EEFSEC: variants seen among roughly 807,000 people sequenced by gnomAD.
EEFSEC encodes the protein eukaryotic elongation factor, selenocysteine-tRNA specific, also known as selenocysteine-specific elongation factor.
In EEFSEC, 43 loss-of-function variants were observed where a neutral mutation model predicts 42.1. The observed-to-expected ratio is 1.02, with a 90% CI of 0.80 to 1.32. The LOEUF is 1.32. EEFSEC is among the 40% of genes most tolerant of loss of function. The pLI is 0.00. For missense variants in EEFSEC, 745 were observed against 803.6 expected, an observed-to-expected ratio of 0.93 and a Z score of 0.88; for synonymous variants, 354 against 339.1, an observed-to-expected ratio of 1.04 and a Z score of -0.48.
chr3:128,273,361 G>T (rs1414480085), intron 4 of EEFSEC, among the ~76,000 whole-genome samples: 2 of 149,444 alleles, frequency 1.3e-5, no homozygotes, highest in African/African-American at 5.1e-5. Context: ...CTCACAGGAG[G>T]CAGGGAACTC....
At chr3:128,175,517 A>G (rs577411076) in intron 1 of EEFSEC, among the ~76,000 whole-genome samples, 1 of 152,266 alleles carries the variant, frequency 6.6e-6, no homozygotes, top group South Asian at 2.1e-4. Context: ...CTTCTCGGTA[A>G]AACTGGCCTG....
intron 1 of EEFSEC, among the ~76,000 whole-genome samples, chr3:128,236,776 A>G (rs950208381): frequency 5.3e-5 from 8 of 152,170 alleles, no homozygotes; most frequent in African/African-American, 9.7e-5. Flanking sequence ...CTCCTTCTCA[A>G]TGAGGCCTCT....
chr3:128,192,583 T>C (rs1483278554), intron 1 of EEFSEC, among the ~76,000 whole-genome samples: 2 of 152,230 alleles, frequency 1.3e-5, no homozygotes, highest in East Asian at 3.8e-4. Flanking sequence ...GCTTACACTC[T>C]TCTGCCAATT....
chr3:128,339,202 C>T (rs955839020), intron 4 of EEFSEC, among the ~76,000 whole-genome samples: 17 of 152,188 alleles, frequency 1.1e-4, no homozygotes, highest in African/African-American at 3.6e-4. Context: ...GTGCGTCTCA[C>T]TTTCTCTGCC....
chr3:128,424,008 C>T, the EEFSEC span, among the ~76,000 whole-genome samples: 1 of 152,168 alleles, frequency 6.6e-6, no homozygotes, highest in East Asian at 1.9e-4. Context: ...CCTGGAGCTG[C>T]GGGAGACACA....
chr3:128,376,947 C>T (rs1026453216), intron 6 of EEFSEC, among the ~76,000 whole-genome samples: 143 of 152,284 alleles, frequency 9.4e-4, no homozygotes, highest in African/African-American at 3.2e-3. Context: ...ATGGCTTCTT[C>T]GTGCCCAGCA....
chr3:128,343,464 C>G (rs1449532481), intron 5 of EEFSEC, among the ~76,000 whole-genome samples: 1 of 152,284 alleles, frequency 6.6e-6, no homozygotes, highest in Non-Finnish European at 1.5e-5. Context: ...TCCGGGGGGG[C>G]CGCTGGGGCC....
intron 5 of EEFSEC, among the ~76,000 whole-genome samples, chr3:128,345,122 T>C (rs1576657048): frequency 6.6e-6 from 1 of 152,186 alleles, no homozygotes; most frequent in African/African-American, 2.4e-5. Context: ...ACCATGAGAC[T>C]TCCATGTTAA....
rs142217182 is a variant in EEFSEC, at chr3:128,300,761, T to G, written c.786+35980T>G. On this transcript the variant is annotated intron_variant, in intron 4 of 6. Transcript: ENST00000254730. Reference sequence around the variant, plus strand: ...AATAATCCTAATGCAATATGAAAAATAAAACTTTCATACCTTTCAGTACCT... The same window carrying G: ...AATAATCCTAATGCAATATGAAAAAGAAAACTTTCATACCTTTCAGTACCT... 7.9e-5 allele frequency among the ~76,000 whole-genome samples: 12 copies of G among 152,214 alleles called. No homozygotes were observed. In the East Asian group the frequency reaches 2.3e-3, roughly 29 times the overall value.
chr3:128,217,503 T>C (rs1481104494), intron 1 of EEFSEC, among the ~76,000 whole-genome samples: 1 of 152,132 alleles, frequency 6.6e-6, no homozygotes, highest in African/African-American at 2.4e-5. Context: ...GCAGAAGGGC[T>C]TAAGGACCCG....
chr3:128,233,713 T>G (rs1324152852), intron 1 of EEFSEC, among the ~76,000 whole-genome samples: 1 of 152,244 alleles, frequency 6.6e-6, no homozygotes, highest in Admixed American at 6.5e-5. Flanking sequence ...ATGGTGGGCA[T>G]GCAGGCTCTT....
chr3:128,356,467 A>ACCAG (rs2067455767), intron 5 of EEFSEC, among the ~76,000 whole-genome samples: 1 of 152,076 alleles, frequency 6.6e-6, no homozygotes. Flanking sequence ...TGCAATTGTC[A>ACCAG]CCCTTGCTGG....
chr3:128,210,789 T>C (rs747026229), intron 1 of EEFSEC, among the ~76,000 whole-genome samples: 8 of 152,238 alleles, frequency 5.3e-5, no homozygotes, highest in Non-Finnish European at 8.8e-5. Context: ...TAGAAAATGC[T>C]GATTGCTGAC....
At chr3:128,403,529 G>T (rs1350459957) in intron 6 of EEFSEC, among the ~76,000 whole-genome samples, 1 of 152,168 alleles carries the variant, frequency 6.6e-6, no homozygotes, top group East Asian at 1.9e-4. Flanking sequence ...CACTCAGCAC[G>T]TGGCCTTGTC....
intron 6 of EEFSEC, among the ~76,000 whole-genome samples, chr3:128,370,460 G>A (rs2067640875): frequency 6.6e-6 from 1 of 152,100 alleles, no homozygotes; most frequent in Non-Finnish European, 1.5e-5. Context: ...CAGGTCCCTT[G>A]GGAAGTTACA....
chr3:128,421,632 G>A, the EEFSEC span, among the ~76,000 whole-genome samples: 6 of 152,330 alleles, frequency 3.9e-5, no homozygotes, highest in Admixed American at 1.3e-4. Context: ...ACCTCTGGAC[G>A]ACCTCCCGGT....
intron 4 of EEFSEC, among the ~76,000 whole-genome samples, chr3:128,319,151 T>C (rs2066980275): frequency 6.6e-6 from 1 of 152,196 alleles, no homozygotes; most frequent in South Asian, 2.1e-4. Context: ...TTCCCCACTG[T>C]GTTTTTCTGA....
intron 4 of EEFSEC, among the ~76,000 whole-genome samples, chr3:128,298,387 A>G (rs1002664329): frequency 6.6e-5 from 10 of 152,274 alleles, no homozygotes; most frequent in South Asian, 4.2e-4. Context: ...GGCTCAAGCA[A>G]TCCTTCTGCC....
At chr3:128,157,543 T>G (rs1047985491) in intron 1 of EEFSEC, among the ~76,000 whole-genome samples, 5 of 152,194 alleles carry the variant, frequency 3.3e-5, no homozygotes, top group African/African-American at 1.2e-4. Context: ...AAGCCATTGC[T>G]CATTGACCAT....
Sources: allele counts gnomAD v4.1 joint callset (sites outside exome capture counted in the v4.1 genomes callset), GRCh38; gene constraint gnomAD v4.1.1; transcripts MANE v1.5; gene names NCBI Gene and HGNC (gene_info 2026-07-23, HGNC 2026-07-21).